Variants in MRPL42 observed in about 807,000 individuals in gnomAD.
The protein encoded by MRPL42 is mitochondrial ribosomal protein L42, also known as large ribosomal subunit protein mL42.
In MRPL42, 17 loss-of-function variants were observed where a neutral mutation model predicts 17.9. The ratio of observed to expected loss-of-function variants is 0.95; its 90% CI spans 0.65 to 1.42. The LOEUF is 1.42. Among genes scored for constraint, MRPL42 ranks in the 40% most tolerant of loss-of-function variants. The pLI is 0.00. For missense variants in MRPL42, 177 were observed against 175.2 expected (o/e 1.01, Z -0.06); for synonymous variants, 59 against 54.4 (o/e 1.08, Z -0.37).
At chr12:93,488,138 T>A (rs1007965664) in intron 5 of MRPL42, among the ~76,000 whole-genome samples, 4 of 152,124 alleles carry the variant, frequency 2.6e-5, no homozygotes, top group African/African-American at 9.7e-5. Context: ...GCCCAGCTAA[T>A]TTTTTGTATT....
chr12:93,512,439 T>G lies in MRPL42; in HGVS notation c.*11218T>G, dbSNP rs1030738743. The G allele has an allele frequency of 6.6e-6, 1 of 151,920 alleles. No individual in the cohort carries two copies. Among genetic ancestry groups the G allele is most frequent in the African/African-American group, 2.4e-5 (1 of 41,344 alleles). The allele number at this position is 151,920 out of a possible 1,614,324, so 9.4% of individuals were successfully genotyped here. A position where few individuals can be genotyped will look rare whatever the true frequency, so the allele number is the denominator to read the frequency against. Reference sequence around the variant, plus strand: ...TGCACACCAGCCTGGATAAAAAGAGTGAAACTCTGCCTCAAAATAAAATAA... The same window carrying G: ...TGCACACCAGCCTGGATAAAAAGAGGGAAACTCTGCCTCAAAATAAAATAA... On this transcript the variant is annotated 3_prime_UTR_variant, in exon 6 of 6. Transcript: ENST00000549982.
intron 5 of MRPL42, among the ~76,000 whole-genome samples, chr12:93,496,163 A>G (rs59037185): frequency 5.0e-4 from 76 of 152,246 alleles, no homozygotes; most frequent in African/African-American, 1.7e-3. Flanking sequence ...AGTTCAAGCA[A>G]TTCTCCTGCC....
At chr12:93,484,415 A>G (rs1391595420) in intron 4 of MRPL42, among the ~76,000 whole-genome samples, 2 of 151,978 alleles carry the variant, frequency 1.3e-5, no homozygotes, top group Non-Finnish European at 2.9e-5. Context: ...TGTATGTGCT[A>G]TACTTTTATA....
In MRPL42 at chr12:93,503,686, A is replaced by G. The variant is rs1953630821; in HGVS notation, c.*2465A>G. 1 of 144,158 alleles carries G rather than the reference A, an allele frequency of 6.9e-6. No individual in the cohort carries two copies. Among genetic ancestry groups the G allele is most frequent in the Non-Finnish European group, 1.5e-5 (1 of 65,222 alleles). The allele number at this position is 144,158 out of a possible 1,614,324, so 8.9% of individuals were successfully genotyped here. A position where few individuals can be genotyped will look rare whatever the true frequency, so the allele number is the denominator to read the frequency against. On this transcript the variant is annotated 3_prime_UTR_variant, in exon 6 of 6. Transcript: ENST00000549982. ...GGTGTGAGCCACTGTGCCCAGCCTT[A>G]TTTTTTTTTTTTAAGATAATATTGT...
chr12:93,486,813 G>A (rs1487766712), intron 4 of MRPL42, among the ~76,000 whole-genome samples: 2 of 151,824 alleles, frequency 1.3e-5, no homozygotes, highest in Non-Finnish European at 2.9e-5. Flanking sequence ...ATTAAATGAG[G>A]GCTTTCTTTT....
At position 93,486,525 on chromosome 12, in the gene MRPL42, A is replaced by T. The variant is rs143721740; in HGVS notation, c.220-972A>T. Among the ~76,000 whole-genome samples, 462 of 152,272 alleles carry T rather than the reference A, an allele frequency of 3.0e-3. 5 individuals carry two copies. Among genetic ancestry groups the T allele is most frequent in the African/African-American group, 0.011 (441 of 41,558 alleles). On this transcript the variant is annotated intron_variant, in intron 4 of 5. Transcript: ENST00000549982. ...GCACCAAGCTAATTTTTAAGTAGAG[A>T]TGGGGTTTCACCATGTTGGCCAGGC...
intron 4 of MRPL42, among the ~76,000 whole-genome samples, chr12:93,486,939 C>T (rs571562805): frequency 6.6e-6 from 1 of 152,082 alleles, no homozygotes; most frequent in South Asian, 2.1e-4. Context: ...GCTGGAATTA[C>T]AGGCATGAGC....
Position 93,513,345 on chromosome 12 carries a change from C to G in MRPL42, c.*12124C>G, listed in dbSNP as rs890412184. The G allele has an allele frequency of 1.3e-5, 2 of 151,904 alleles. No individual in the cohort carries two copies. The highest frequency in any genetic ancestry group is 4.8e-5 in the African/African-American group (2 of 41,344). The allele number at this position is 151,904 out of a possible 1,614,324, so 9.4% of individuals were successfully genotyped here. On this transcript the variant is annotated 3_prime_UTR_variant, in exon 6 of 6. Coordinates refer to ENST00000549982, the MANE Select transcript of MRPL42 (RefSeq NM_014050.4). ...AGCTGGAGCTTCAGGTGTCTGCCAT[C>G]ACGCCTGGCAAATTTATTTTTTGTA...
chr12:93,479,478 T>A lies in MRPL42; in HGVS notation c.219+6T>A, dbSNP rs1186558248. 1.3e-5 allele frequency: 21 copies of A among 1,593,442 alleles called. No individual in the cohort carries two copies. The highest frequency in any genetic ancestry group is 1.8e-5 in the Non-Finnish European group (21 of 1,165,622). On this transcript the variant is annotated splice_donor_region_variant and intron_variant, in intron 4 of 5. Transcript: ENST00000549982. The stretch of plus-strand genomic sequence containing the variant: ...TTCCATATGAACACACAAAAGTATG[T>A]ATGAGAAAATTTCTTGCAGTTTTTA...
chr12:93,471,695 T>C (rs1220383387), intron 2 of MRPL42, among the ~76,000 whole-genome samples: 1 of 152,234 alleles, frequency 6.6e-6, no homozygotes, highest in Non-Finnish European at 1.5e-5. Flanking sequence ...AAACATTTAT[T>C]ACATTATATT....
chr12:93,477,071 ATTTAAT>A, intron 3 of MRPL42, 54 bp downstream of exon 3: 5 of 1,225,848 alleles, frequency 4.1e-6, no homozygotes, highest in Non-Finnish European at 5.8e-6. Context: ...AGCTGAAATG[ATTTAAT>A]TTTATTTCTT....
rs932398296 is a variant in MRPL42 at position 93,510,034 on chromosome 12, G to A, written c.*8813G>A. 2 of 152,020 alleles carry A rather than the reference G, an allele frequency of 1.3e-5. No homozygotes were observed. Among genetic ancestry groups the A allele is most frequent in the Admixed American group, 1.3e-4 (2 of 15,256 alleles). The allele number at this position is 152,020 out of a possible 1,614,324, so 9.4% of individuals were successfully genotyped here. ...GGTTTGAACAAAGGTACAATGACAT[G>A]TATCCATCTTTATAGTCATGCAGAG... On this transcript the variant is annotated 3_prime_UTR_variant, in exon 6 of 6. Coordinates refer to ENST00000549982, the MANE Select transcript of MRPL42 (RefSeq NM_014050.4).
intron 5 of MRPL42, 22 bp from the exon 6 acceptor site, chr12:93,501,154 C>T: frequency 1.3e-6 from 2 of 1,547,330 alleles, no homozygotes; most frequent in Non-Finnish European, 1.7e-6. Flanking sequence ...CATCTTATTC[C>T]AAGTATTTTC....
At position 93,508,286 on chromosome 12, in the gene MRPL42, G is replaced by A. The variant is rs1953692044; in HGVS notation, c.*7065G>A. ...TAAAAAATTAGCTGGGGGTGGGGAG[G>A]GTGGGGTGGTGCTGCATGCCTGTAG... On this transcript the variant is annotated 3_prime_UTR_variant, in exon 6 of 6. Transcript: ENST00000549982. 1 of 128,752 alleles carries A rather than the reference G, an allele frequency of 7.8e-6. No individual in the cohort carries two copies. The highest frequency in any genetic ancestry group is 1.7e-5 in the Non-Finnish European group (1 of 59,628). 8.0% of individuals were successfully genotyped at this position (128,752 alleles called of 1,614,324 possible). A position where few individuals can be genotyped will look rare whatever the true frequency, so the allele number is the denominator to read the frequency against.
chr12:93,477,662 T>A (rs141074937), intron 3 of MRPL42, among the ~76,000 whole-genome samples: 2,896 of 152,228 alleles, frequency 0.019, 86 homozygotes, highest in African/African-American at 0.066. Context: ...AGTGGTGTGA[T>A]CTTGGCTCAC....
rs1953739641 is a variant in MRPL42 at position 93,513,113 on chromosome 12, T to C, written c.*11892T>C. On this transcript the variant is annotated 3_prime_UTR_variant, in exon 6 of 6. Coordinates refer to ENST00000549982, the MANE Select transcript of MRPL42 (RefSeq NM_014050.4). ...GATATACATCAATCCATGAAAGTAG[T>C]AGTATTGTCAATCTACCCTGGATTA... 1 of 151,842 alleles carries C rather than the reference T, an allele frequency of 6.6e-6. No homozygotes were observed. The highest frequency in any genetic ancestry group is 1.5e-5 in the Non-Finnish European group (1 of 68,008). 9.4% of individuals were successfully genotyped at this position (151,842 alleles called of 1,614,324 possible). A position where few individuals can be genotyped will look rare whatever the true frequency, so the allele number is the denominator to read the frequency against.
Position 93,511,981 on chromosome 12 carries a change from CTT to C in MRPL42, c.*10761_*10762del, listed in dbSNP as rs1953729738. On this transcript the variant is annotated 3_prime_UTR_variant, in exon 6 of 6. Transcript: ENST00000549982. ...TTCAGTGACTTAGTAAAGAACATAACTTGTGTAAAGGCTAATGCAATAAGTTT... is the reference window on the plus strand; with the variant it reads ...TTCAGTGACTTAGTAAAGAACATAACGTGTAAAGGCTAATGCAATAAGTTT... 6.6e-6 allele frequency: 1 copy of C among 152,168 alleles called. No homozygotes were observed. Among genetic ancestry groups the C allele is most frequent in the Non-Finnish European group, 1.5e-5 (1 of 68,030 alleles). The allele number at this position is 152,168 out of a possible 1,614,324, so 9.4% of individuals were successfully genotyped here. A position where few individuals can be genotyped will look rare whatever the true frequency, so the allele number is the denominator to read the frequency against.
rs542453856 is a variant in MRPL42, at chr12:93,480,682, C to G, written c.219+1210C>G. Among the ~76,000 whole-genome samples the G allele has an allele frequency of 1.4e-4, 21 of 151,908 alleles. No individual in the cohort carries two copies. The East Asian group carries it at 4.1e-3, about 30-fold the overall frequency. ...TCAGCCTCCCAAGTAGCTGGGACTA[C>G]AGGCGTGCACTACCACACCCGGCTA... On this transcript the variant is annotated intron_variant, in intron 4 of 5. Transcript: ENST00000549982.
rs1385996386 is a variant in MRPL42 at position 93,505,240 on chromosome 12, A to G, written c.*4019A>G. On this transcript the variant is annotated 3_prime_UTR_variant, in exon 6 of 6. Coordinates refer to ENST00000549982, the MANE Select transcript of MRPL42 (RefSeq NM_014050.4). ...GTGGTTTCCACATATTCTAAGAGGC[A>G]TCTTCAATTAGATTCCAAAAATTTT... is the stretch of plus-strand genomic sequence containing the variant. 1 of 152,208 alleles carries G rather than the reference A, an allele frequency of 6.6e-6. No homozygotes were observed. The highest frequency in any genetic ancestry group is 2.4e-5 in the African/African-American group (1 of 41,446). 9.4% of individuals were successfully genotyped at this position (152,208 alleles called of 1,614,324 possible). A position where few individuals can be genotyped will look rare whatever the true frequency, so the allele number is the denominator to read the frequency against.
Sources: gnomAD v4.1 joint callset for allele counts (sites outside exome capture counted in the v4.1 genomes callset) on GRCh38, gnomAD v4.1.1 for gene constraint, MANE v1.5 for transcripts, NCBI Gene and HGNC (gene_info 2026-07-23, HGNC 2026-07-21) for gene names.